Variants in TMEM74 observed in about 807,000 individuals in gnomAD.
TMEM74 encodes the protein transmembrane protein 74.
TMEM74 carries 13 observed loss-of-function variants against 18.1 expected under a neutral mutation model. The observed-to-expected ratio is 0.72, with a 90% CI of 0.47 to 1.14. The LOEUF is 1.14. Ranked by LOEUF, TMEM74 falls within the 50% of genes most tolerant of loss-of-function variation. The pLI is 0.00. For missense variants in TMEM74, 372 were observed against 375.9 expected (o/e 0.99, Z 0.09); for synonymous variants, 159 against 146.6 (o/e 1.08, Z -0.61).
At chr8:108,624,202 T>C (rs1461546561) in intron 2 of TMEM74, among the ~76,000 whole-genome samples, 2 of 152,252 alleles carry the variant, frequency 1.3e-5, no homozygotes. Context: ...ATTGTCTGTG[T>C]ATGTAAGGGA....
intron 1 of TMEM74, among the ~76,000 whole-genome samples, chr8:108,729,883 G>T (rs1053697622): frequency 6.6e-6 from 1 of 152,192 alleles, no homozygotes; most frequent in Non-Finnish European, 1.5e-5. Context: ...ATAATTTGCA[G>T]AAACAGAGTG....
chr8:108,717,605 G>T (rs534794557), intron 1 of TMEM74, among the ~76,000 whole-genome samples: 1 of 152,170 alleles, frequency 6.6e-6, no homozygotes, highest in Non-Finnish European at 1.5e-5. Context: ...CTGGGGATGG[G>T]AGAGTGAGTT....
intron 1 of TMEM74, among the ~76,000 whole-genome samples, chr8:108,708,809 C>CAA (rs71564016): frequency 0.044 from 789 of 17,858 alleles, 81 homozygotes; most frequent in African/African-American, 0.17. Context: ...AACTCAATAG[C>CAA]AAAAAAAAAA....
At chr8:108,776,671 T>G (rs1563548935), downstream of TMEM74, among the ~76,000 whole-genome samples, 1 of 152,074 alleles carries the variant, frequency 6.6e-6, no homozygotes, top group Non-Finnish European at 1.5e-5. Flanking sequence ...AATTTCTTTC[T>G]TGGAGGGATG....
chr8:108,728,064 T>TC, intron 1 of TMEM74, among the ~76,000 whole-genome samples: 1 of 152,288 alleles, frequency 6.6e-6, no homozygotes, highest in South Asian at 2.1e-4. Context: ...TGGTGTCAAC[T>TC]CCCGATGAAA....
At chr8:108,731,925 C>G (rs375018517) in intron 1 of TMEM74, among the ~76,000 whole-genome samples, 88 of 151,982 alleles carry the variant, frequency 5.8e-4, no homozygotes, top group South Asian at 3.3e-3. Context: ...AAAAAAAAAG[C>G]CCACCATTTT....
intron 1 of TMEM74, among the ~76,000 whole-genome samples, chr8:108,733,580 A>T (rs1238306043): frequency 6.6e-6 from 1 of 152,202 alleles, no homozygotes; most frequent in South Asian, 2.1e-4. Context: ...TTACATAAGT[A>T]CACTCATTTG....
At chr8:108,770,946 T>C (rs928224077) in intron 1 of TMEM74, among the ~76,000 whole-genome samples, 1 of 152,144 alleles carries the variant, frequency 6.6e-6, no homozygotes, top group African/African-American at 2.4e-5. Flanking sequence ...ATCCCATTTT[T>C]CTGGTCTCAC....
chr8:108,659,445 G>C (rs1379151156), intron 1 of TMEM74, among the ~76,000 whole-genome samples: 1 of 152,020 alleles, frequency 6.6e-6, no homozygotes, highest in East Asian at 1.9e-4. Context: ...CTTTCTTTCT[G>C]GTTGTTTCAG....
rs377494904 is a variant in TMEM74, at chr8:108,740,827, A to C, written n.119+46649T>G. On this transcript the variant is annotated intron_variant and non_coding_transcript_variant, in intron 1 of 3. Transcript: ENST00000518838. ...ACATGTGTCTACCCTAAAAACCAAT[A>C]AGTTCTTGTCTATGATTTGAAGAAA... Among the ~76,000 whole-genome samples the C allele has an allele frequency of 5.3e-4, 80 of 152,274 alleles. No homozygotes were observed. In the South Asian group the frequency reaches 0.016, roughly 30 times the overall value.
At chr8:108,726,836 T>C (rs55951515) in intron 1 of TMEM74, among the ~76,000 whole-genome samples, 10,241 of 151,628 alleles carry the variant, frequency 0.068, 546 homozygotes, top group Admixed American at 0.14. Context: ...AAAAATATGA[T>C]AGGAAATGAT....
chr8:108,739,065 A>G (rs535010802), intron 1 of TMEM74, among the ~76,000 whole-genome samples: 3 of 152,334 alleles, frequency 2.0e-5, no homozygotes, highest in Non-Finnish European at 4.4e-5. Flanking sequence ...GAATGTTATT[A>G]CAAAGAAAGA....
chr8:108,754,758 C>T (rs1446039567), intron 1 of TMEM74, among the ~76,000 whole-genome samples: 2 of 151,620 alleles, frequency 1.3e-5, no homozygotes, highest in Non-Finnish European at 2.9e-5. Context: ...CCACAATCCA[C>T]CATCTCAAGC....
chr8:108,608,780 A>T (rs2130531060), exon 3 of TMEM74: 1 of 152,306 alleles, frequency 6.6e-6, no homozygotes, highest in African/African-American at 2.4e-5. Context: ...TAGATAAAGA[A>T]TCTTTTCCAG....
chr8:108,667,252 A>G (rs1013952210), intron 1 of TMEM74, among the ~76,000 whole-genome samples: 6 of 152,226 alleles, frequency 3.9e-5, no homozygotes, highest in South Asian at 2.1e-4. Context: ...GAGTAGGCAC[A>G]TAAGACTGAC....
chr8:108,760,239 C>A (rs1467268289), intron 1 of TMEM74, among the ~76,000 whole-genome samples: 2 of 151,612 alleles, frequency 1.3e-5, no homozygotes, highest in Non-Finnish European at 2.9e-5. Flanking sequence ...CTTTGACAAA[C>A]AGACCATATA....
Position 108,716,109 on chromosome 8 carries a change from C to A in TMEM74, n.120-60672G>T, listed in dbSNP as rs1813521073. ...AGGTAAATTTTATACAGCTCTGTAG[C>A]TTTTGACAAAAAACTGCAATGTAGA... On this transcript the variant is annotated intron_variant and non_coding_transcript_variant, in intron 1 of 3. Transcript: ENST00000518838. Among the ~76,000 whole-genome samples, 3 of 151,884 alleles carry A rather than the reference C, an allele frequency of 2.0e-5. No individual in the cohort carries two copies. In the South Asian group the frequency reaches 6.2e-4, roughly 31 times the overall value.
intron 1 of TMEM74, among the ~76,000 whole-genome samples, chr8:108,676,195 C>T (rs1017206064): frequency 5.3e-5 from 8 of 152,070 alleles, no homozygotes; most frequent in Admixed American, 3.3e-4. Flanking sequence ...TATGCAGGAC[C>T]GCAAAATCCT....
chr8:108,669,819 C>T (rs866571856), intron 1 of TMEM74, among the ~76,000 whole-genome samples: 11 of 151,998 alleles, frequency 7.2e-5, no homozygotes, highest in African/African-American at 2.7e-4. Flanking sequence ...GGGCGGATCA[C>T]CTAAGGTCAG....
Sources: allele counts gnomAD v4.1 joint callset (sites outside exome capture counted in the v4.1 genomes callset), GRCh38; gene constraint gnomAD v4.1.1; transcripts MANE v1.5; gene names NCBI Gene and HGNC (gene_info 2026-07-23, HGNC 2026-07-21).